The following ADARB2 variants were observed in gnomAD, a reference collection of about 807,000 sequenced individuals.
ADARB2 encodes the protein adenosine deaminase RNA specific B2 (inactive).
In ADARB2, 25 loss-of-function variants were observed where a neutral mutation model predicts 62.2. That is an observed-to-expected ratio of 0.40 (90% confidence interval 0.29 to 0.56). ADARB2 has a LOEUF of 0.56. ADARB2 is among the 20% of genes least tolerant of loss of function. The pLI is 0.43. For synonymous variants in ADARB2, 572 were observed against 500.8 expected, an observed-to-expected ratio of 1.14 and a Z score of -1.90; for missense variants, 1,071 against 1,077.4, an observed-to-expected ratio of 0.99 and a Z score of 0.08.
intron 3 of ADARB2, among the ~76,000 whole-genome samples, chr10:1,306,142 T>C (rs1364482039): frequency 6.7e-6 from 1 of 150,206 alleles, no homozygotes; most frequent in Non-Finnish European, 1.5e-5. Context: ...GATGACATGA[T>C]TGTATATCTA....
At chr10:1,241,027 T>TG (rs1830915437) in intron 5 of ADARB2, among the ~76,000 whole-genome samples, 1 of 151,948 alleles carries the variant, frequency 6.6e-6, no homozygotes, top group South Asian at 2.1e-4. Context: ...TCTCAGCACT[T>TG]TGGGAGGCCG....
rs117937430 is a variant in ADARB2 at position 1,416,082 on chromosome 10, C to T, written c.101-36922G>A. On this transcript the variant is annotated intron_variant, in intron 1 of 9. Transcript: ENST00000381312. ...GTACACATGACATCACTGTGCCATCCGTGAAGATCTAAGTAGACATTACTT... is the reference window on the plus strand; with the variant it reads ...GTACACATGACATCACTGTGCCATCTGTGAAGATCTAAGTAGACATTACTT... Among the ~76,000 whole-genome samples, 130 of 152,346 alleles carry T rather than the reference C, an allele frequency of 8.5e-4. 1 individual carries two copies. The East Asian group carries it at 0.021, about 25-fold the overall frequency.
At chr10:1,535,007 T>C (rs541700719) in intron 1 of ADARB2, 1 of 167,184 alleles carries the variant, frequency 6.0e-6, no homozygotes, top group East Asian at 1.9e-4. Context: ...TAAGCAGAGG[T>C]GCGAGCCACC....
intron 1 of ADARB2, among the ~76,000 whole-genome samples, chr10:1,452,570 C>T (rs942021358): frequency 6.7e-6 from 1 of 148,192 alleles, no homozygotes; most frequent in Non-Finnish European, 1.5e-5. Flanking sequence ...TGCATGTTCT[C>T]ACTCGTAAGT....
intron 1 of ADARB2, among the ~76,000 whole-genome samples, chr10:1,405,211 T>G (rs1832697446): frequency 6.6e-6 from 1 of 152,136 alleles, no homozygotes; most frequent in Non-Finnish European, 1.5e-5. Flanking sequence ...GAATTCACAT[T>G]TACCACACCT....
At chr10:1,290,993 C>T (rs570581280) in intron 3 of ADARB2, 2 of 152,258 alleles carry the variant, frequency 1.3e-5, no homozygotes, top group Admixed American at 1.3e-4. Context: ...ATGAGGTCCT[C>T]CGTTTGGGGC....
At chr10:1,403,211 C>T (rs1832680116) in intron 1 of ADARB2, among the ~76,000 whole-genome samples, 1 of 152,238 alleles carries the variant, frequency 6.6e-6, no homozygotes. Context: ...TTTTCAGTTC[C>T]AAGAGCCAAG....
At chr10:1,606,068 C>T (rs972778654) in intron 1 of ADARB2, among the ~76,000 whole-genome samples, 21 of 152,188 alleles carry the variant, frequency 1.4e-4, no homozygotes, top group Non-Finnish European at 1.6e-4. Context: ...ATTTCTTTCA[C>T]GTGAAAATTA....
intron 1 of ADARB2, among the ~76,000 whole-genome samples, chr10:1,514,870 G>T (rs1377839923): frequency 6.6e-6 from 1 of 152,144 alleles, no homozygotes; most frequent in African/African-American, 2.4e-5. Flanking sequence ...GGATGGAGTG[G>T]AGCCCTCTGT....
intron 3 of ADARB2, among the ~76,000 whole-genome samples, chr10:1,313,147 G>A (rs77168088): frequency 1.3e-5 from 2 of 152,272 alleles, no homozygotes; most frequent in Admixed American, 6.5e-5. Context: ...GGGTGGGAGT[G>A]CCCAGGTGAG....
At chr10:1,367,799 G>C (rs543039511) in intron 2 of ADARB2, among the ~76,000 whole-genome samples, 1 of 152,338 alleles carries the variant, frequency 6.6e-6, no homozygotes, top group East Asian at 1.9e-4. Flanking sequence ...ACCTTTGCTG[G>C]ATCTCAGATC....
intron 8 of ADARB2, among the ~76,000 whole-genome samples, chr10:1,193,297 A>T (rs1357329538): frequency 6.6e-6 from 1 of 152,156 alleles, no homozygotes; most frequent in African/African-American, 2.4e-5. Flanking sequence ...CCCGAGGTTA[A>T]AGTGCAGAGG....
Position 1,440,422 on chromosome 10 carries a change from CTTTT to C in ADARB2, c.101-61266_101-61263del, listed in dbSNP as rs113675218. Among the ~76,000 whole-genome samples the C allele has an allele frequency of 3.1e-3, 440 of 144,104 alleles. 3 individuals are homozygous for C. The highest frequency in any genetic ancestry group is 0.01 in the African/African-American group (403 of 39,810). The allele number at this position is 144,104 out of a possible 152,430, so 94.5% of individuals were successfully genotyped here. A position where few individuals can be genotyped will look rare whatever the true frequency, so the allele number is the denominator to read the frequency against. On this transcript the variant is annotated intron_variant, in intron 1 of 9. Coordinates refer to ENST00000381312, the MANE Select transcript of ADARB2 (RefSeq NM_018702.4). ...TATTCCACACCTTTGCTACAAACGC[CTTTT>C]TTTTTTTTTTCTTACCATCTTTAAA... is the stretch of plus-strand genomic sequence containing the variant.
intron 1 of ADARB2, among the ~76,000 whole-genome samples, chr10:1,727,442 C>A (rs1564206077): frequency 1.3e-5 from 2 of 152,106 alleles, no homozygotes; most frequent in Non-Finnish European, 2.9e-5. Context: ...CAGCCTCCCC[C>A]GAAAATGTTC....
intron 1 of ADARB2, among the ~76,000 whole-genome samples, chr10:1,467,492 G>C (rs1303545476): frequency 6.6e-6 from 1 of 152,158 alleles, no homozygotes; most frequent in African/African-American, 2.4e-5. Flanking sequence ...TTATTTCTGG[G>C]CTGTGTTGAT....
intron 1 of ADARB2, among the ~76,000 whole-genome samples, chr10:1,645,547 C>T (rs564928988): frequency 6.6e-5 from 10 of 152,352 alleles, no homozygotes; most frequent in South Asian, 4.1e-4. Flanking sequence ...CTGATTGTGA[C>T]AGCTTCCTCA....
At chr10:1,723,781 C>T (rs1012321969) in intron 1 of ADARB2, among the ~76,000 whole-genome samples, 1 of 152,156 alleles carries the variant, frequency 6.6e-6, no homozygotes, top group Non-Finnish European at 1.5e-5. Context: ...TGTTAGAGGG[C>T]ACCACGTGGC....
chr10:1,385,115 G>A (rs1265060328), intron 1 of ADARB2, among the ~76,000 whole-genome samples: 1 of 152,032 alleles, frequency 6.6e-6, no homozygotes, highest in Non-Finnish European at 1.5e-5. Context: ...ACTAGAAACT[G>A]GTCAGTAATA....
At chr10:1,308,120 A>G (rs1297162715) in intron 3 of ADARB2, among the ~76,000 whole-genome samples, 2 of 151,812 alleles carry the variant, frequency 1.3e-5, no homozygotes, top group African/African-American at 4.8e-5. Context: ...CTCCCACTGT[A>G]GTACACACAG....
Sources: allele counts gnomAD v4.1 joint callset (sites outside exome capture counted in the v4.1 genomes callset), GRCh38; gene constraint gnomAD v4.1.1; transcripts MANE v1.5; gene names NCBI Gene and HGNC (gene_info 2026-07-23, HGNC 2026-07-21).